The following GRIK4 variants were observed in gnomAD, a reference collection of about 807,000 sequenced individuals.
The protein encoded by GRIK4 is glutamate receptor ionotropic, kainate 4.
Under a neutral mutation model 104.9 loss-of-function variants are expected in GRIK4, and 40 were observed. That is an observed-to-expected ratio of 0.38 (90% CI 0.30 to 0.50). The LOEUF (loss-of-function observed/expected upper bound fraction) is 0.50. Among genes scored for constraint, GRIK4 ranks in the 20% least tolerant of loss-of-function variants. GRIK4 has a pLI of 0.93. For synonymous variants in GRIK4, 485 were observed against 524.9 expected (o/e 0.92, Z 1.04); for missense variants, 1,047 against 1,308.1 (o/e 0.80, Z 3.08).
chr11:120,713,255 G>A (rs969621493), intron 3 of GRIK4, among the ~76,000 whole-genome samples: 6 of 152,192 alleles, frequency 3.9e-5, no homozygotes, highest in South Asian at 4.1e-4. Flanking sequence ...TTCTCTCAGC[G>A]TTCTATTCTG....
chr11:120,819,790 CA>C lies in GRIK4; in HGVS notation c.383del (p.Lys128SerfsTer10). 1 of 1,614,182 alleles carries C rather than the reference CA, an allele frequency of 6.2e-7. No homozygotes were observed. On this transcript the variant is annotated frameshift_variant, in exon 6 of 21. Coordinates refer to ENST00000527524, the MANE Select transcript of GRIK4 (RefSeq NM_014619.5). LOFTEE classifies it high-confidence loss of function. This position sits in a 1 kb window ranked among gnomAD's most constrained non-coding sequence, Gnocchi z 4.3. ...HFKVAPEEFV[K>X]FQFQRFTTLN... ...TCAAAGTGGCCCCAGAGGAGTTCGT[CA>C]AGTTCCAGTTCCAGAGATTCACAAC...
rs182769398 is a variant in GRIK4, at chr11:120,736,782, C to T, written c.83-65911C>T. 3.6e-3 allele frequency among the ~76,000 whole-genome samples: 491 copies of T among 134,852 alleles called. 1 individual carries two copies. The highest frequency in any genetic ancestry group is 0.01 in the South Asian group (35 of 3,492). The allele number at this position is 134,852 out of a possible 152,430, so 88.5% of individuals were successfully genotyped here. A position where few individuals can be genotyped will look rare whatever the true frequency, so the allele number is the denominator to read the frequency against. On this transcript the variant is annotated intron_variant, in intron 3 of 20. Transcript: ENST00000527524. ...ATATTCTCTCTCTCTCTCTCTCTCTCCCCTCACCCTGCCCACCTCTGTTCA... is the reference window on the plus strand; with the variant it reads ...ATATTCTCTCTCTCTCTCTCTCTCTTCCCTCACCCTGCCCACCTCTGTTCA...
chr11:120,764,942 G>T (rs1951807077), intron 3 of GRIK4, among the ~76,000 whole-genome samples: 1 of 152,108 alleles, frequency 6.6e-6, no homozygotes, highest in Non-Finnish European at 1.5e-5. Context: ...TCTTGGGGTT[G>T]CTCTTCTCTA....
rs570692577 is a variant in GRIK4, at chr11:120,866,058, G to T, written c.906+3938G>T. 7.2e-5 allele frequency among the ~76,000 whole-genome samples: 11 copies of T among 152,278 alleles called. No homozygotes were observed. In the South Asian group the frequency reaches 2.3e-3, roughly 32 times the overall value. On this transcript the variant is annotated intron_variant, in intron 9 of 20. Coordinates refer to ENST00000527524, the MANE Select transcript of GRIK4 (RefSeq NM_014619.5). Reference sequence around the variant, plus strand: ...AACTTCACTCACTCCTGTGAGAATGGCACAAAGCCATTTGTGAAGCATCCA... The same window carrying T: ...AACTTCACTCACTCCTGTGAGAATGTCACAAAGCCATTTGTGAAGCATCCA...
intron 3 of GRIK4, among the ~76,000 whole-genome samples, chr11:120,687,550 C>T (rs994736210): frequency 6.6e-6 from 1 of 151,910 alleles, no homozygotes; most frequent in Non-Finnish European, 1.5e-5. Context: ...TGTTTTTTCC[C>T]TCTTAGATTT....
chr11:120,976,670 G>A (rs1944565865), intron 19 of GRIK4, among the ~76,000 whole-genome samples: 1 of 152,190 alleles, frequency 6.6e-6, no homozygotes, highest in African/African-American at 2.4e-5. Flanking sequence ...GCTCATGGAA[G>A]CTCCTCAGTC....
chr11:120,789,443 TCTC>T (rs1435807073), intron 3 of GRIK4, among the ~76,000 whole-genome samples: 1 of 152,048 alleles, frequency 6.6e-6, no homozygotes, highest in Non-Finnish European at 1.5e-5. Flanking sequence ...ATCTGCCTCT[TCTC>T]TTTGATCCTC....
At chr11:120,778,037 C>G (rs115791680) in intron 3 of GRIK4, among the ~76,000 whole-genome samples, 1 of 152,026 alleles carries the variant, frequency 6.6e-6, no homozygotes, top group African/African-American at 2.4e-5. Context: ...AAGGCCTTGC[C>G]GCTCAGGTGA....
intron 19 of GRIK4, among the ~76,000 whole-genome samples, chr11:120,981,518 A>G (rs1944652196): frequency 6.6e-6 from 1 of 152,224 alleles, no homozygotes; most frequent in Admixed American, 6.5e-5. Flanking sequence ...CTGGGAATCA[A>G]TATTTTTAGT....
intron 6 of GRIK4, among the ~76,000 whole-genome samples, chr11:120,820,706 G>A (rs143311539): frequency 6.6e-6 from 1 of 152,214 alleles, no homozygotes; most frequent in East Asian, 1.9e-4. Context: ...GGGTTTTTAT[G>A]GGTTGCACTG....
At chr11:120,779,592 G>A (rs1390948847) in intron 3 of GRIK4, among the ~76,000 whole-genome samples, 1 of 152,118 alleles carries the variant, frequency 6.6e-6, no homozygotes, top group Non-Finnish European at 1.5e-5. Context: ...TCAAAGTCGT[G>A]GTGAAATTGG....
chr11:120,814,840 C>G (rs1334070786), intron 4 of GRIK4, among the ~76,000 whole-genome samples: 3 of 152,202 alleles, frequency 2.0e-5, no homozygotes, highest in African/African-American at 7.2e-5. Flanking sequence ...TCCCTGCCTC[C>G]CATTTTCTTT....
chr11:120,597,700 C>T (rs575387057), intron 1 of GRIK4, among the ~76,000 whole-genome samples: 6 of 151,032 alleles, frequency 4.0e-5, no homozygotes, highest in Admixed American at 2.6e-4. Context: ...TGCAGCCCCC[C>T]GCTTTGTCTG....
At chr11:120,842,733 GTC>G (rs1291176697) in intron 8 of GRIK4, among the ~76,000 whole-genome samples, 2 of 152,254 alleles carry the variant, frequency 1.3e-5, no homozygotes, top group African/African-American at 4.8e-5. Flanking sequence ...CTGCAAGGGA[GTC>G]TCTGTCTTCC....
intron 11 of GRIK4, among the ~76,000 whole-genome samples, chr11:120,883,586 C>A (rs1041995217): frequency 1.3e-5 from 2 of 152,218 alleles, no homozygotes; most frequent in Non-Finnish European, 2.9e-5. Context: ...TCTCTCCTGC[C>A]TTCCTGGCCC....
rs7934745 is a variant in GRIK4 at position 120,519,884 on chromosome 11, T to G, written c.-159+7997T>G. On this transcript the variant is annotated intron_variant, in intron 1 of 20. Coordinates refer to ENST00000527524, the MANE Select transcript of GRIK4 (RefSeq NM_014619.5). ...CTACTGGTTTTTTTTTTTTTTGTTT[T>G]TTTTTTTGTTGTTGTTGTTTTTTTT... Among the ~76,000 whole-genome samples, 1,346 of 149,848 alleles carry G rather than the reference T, an allele frequency of 9.0e-3. 13 individuals are homozygous for G. Among genetic ancestry groups the G allele is most frequent in the Admixed American group, 0.023 (353 of 15,168 alleles).
intron 3 of GRIK4, among the ~76,000 whole-genome samples, chr11:120,770,750 A>G (rs539173253): frequency 1.3e-5 from 2 of 152,290 alleles, no homozygotes; most frequent in East Asian, 1.9e-4. Flanking sequence ...ACTTTGGGAC[A>G]TGATTAGGTC....
At chr11:120,698,008 C>T (rs900574773) in intron 3 of GRIK4, among the ~76,000 whole-genome samples, 2 of 152,078 alleles carry the variant, frequency 1.3e-5, no homozygotes, top group Non-Finnish European at 2.9e-5. Context: ...CGTGGTTTGG[C>T]CAGAGCTAAG....
chr11:120,616,297 C>T (rs750152217), intron 1 of GRIK4, among the ~76,000 whole-genome samples: 8 of 152,192 alleles, frequency 5.3e-5, no homozygotes, highest in Admixed American at 6.5e-5. Context: ...TGTGACCACT[C>T]AGCTTGTGGG....
Sources: gnomAD v4.1 joint callset for allele counts (sites outside exome capture counted in the v4.1 genomes callset) on GRCh38, gnomAD v4.1.1 for gene constraint, Gnocchi (gnomAD v3.1) non-coding constraint, MANE v1.5 for transcripts, NCBI Gene and HGNC (gene_info 2026-07-23, HGNC 2026-07-21) for gene names.